Variants in FHIT observed in about 807,000 individuals in gnomAD.
FHIT encodes bis(5'-adenosyl)-triphosphatase.
In FHIT, 19 loss-of-function variants were observed where a neutral mutation model predicts 17.9. That is an observed-to-expected ratio of 1.06 (90% CI 0.74 to 1.56). The LOEUF is 1.56. FHIT is among the 40% of genes most tolerant of loss of function. The probability of loss-of-function intolerance (pLI) is 0.00; values close to 1 mark genes in which losing one functional copy is unlikely to be tolerated. For synonymous variants in FHIT, 81 were observed against 69.7 expected (o/e 1.16, Z -0.81); for missense variants, 248 against 189.2 (o/e 1.31, Z -1.82).
chr3:59,772,584 G>A (rs1016699673), intron 8 of FHIT, among the ~76,000 whole-genome samples: 2 of 152,338 alleles, frequency 1.3e-5, no homozygotes, highest in East Asian at 3.9e-4. Context: ...TGCAAATGCA[G>A]GCAGGCTGGT....
At chr3:60,667,833 C>A (rs1553692849) in intron 4 of FHIT, among the ~76,000 whole-genome samples, 2 of 152,046 alleles carry the variant, frequency 1.3e-5, no homozygotes, top group African/African-American at 4.8e-5. Flanking sequence ...TTTTCACAGA[C>A]TTTGAGGTGT....
intron 4 of FHIT, among the ~76,000 whole-genome samples, chr3:60,688,590 C>A (rs1309982510): frequency 2.0e-5 from 3 of 151,878 alleles, no homozygotes; most frequent in Non-Finnish European, 4.4e-5. Flanking sequence ...CACCACAAGG[C>A]CAGGCTAATT....
intron 8 of FHIT, among the ~76,000 whole-genome samples, chr3:59,761,070 G>A (rs1701490747): frequency 6.6e-6 from 1 of 152,120 alleles, no homozygotes; most frequent in African/African-American, 2.4e-5. Context: ...GATATTCTTA[G>A]GACACCCCAT....
intron 8 of FHIT, among the ~76,000 whole-genome samples, chr3:59,782,488 CA>C (rs1262187031): frequency 6.6e-6 from 1 of 152,316 alleles, no homozygotes; most frequent in African/African-American, 2.4e-5. Flanking sequence ...GATATCTGCA[CA>C]TGCCATTTCT....
chr3:60,152,890 G>A (rs1357533659), intron 5 of FHIT, among the ~76,000 whole-genome samples: 2 of 152,050 alleles, frequency 1.3e-5, no homozygotes, highest in Non-Finnish European at 2.9e-5. Context: ...AGTTGCTTAC[G>A]GTACAACCTC....
chr3:60,551,193 A>C (rs1353006594), intron 4 of FHIT, among the ~76,000 whole-genome samples: 1 of 151,834 alleles, frequency 6.6e-6, no homozygotes, highest in Non-Finnish European at 1.5e-5. Flanking sequence ...ATGGGTTTGA[A>C]AGATGAGCAG....
At chr3:59,933,307 G>T (rs536698216) in intron 7 of FHIT, among the ~76,000 whole-genome samples, 1 of 151,954 alleles carries the variant, frequency 6.6e-6, no homozygotes, top group Admixed American at 6.6e-5. Flanking sequence ...CTTTACTTAC[G>T]TATTTATAGT....
rs538666906 is a variant in FHIT at position 60,852,505 on chromosome 3, G to T, written c.-110-30494C>A. On this transcript the variant is annotated intron_variant, in intron 3 of 9. Coordinates refer to ENST00000492590, the MANE Select transcript of FHIT (RefSeq NM_002012.4). The stretch of plus-strand genomic sequence containing the variant: ...TAAACCCAAACCCAAATCCAAAGAT[G>T]AACAACTTTCTTCATCAGTCTGGCA... Among the ~76,000 whole-genome samples, 28 of 152,104 alleles carry T rather than the reference G, an allele frequency of 1.8e-4. No homozygotes were observed. In the South Asian group the frequency reaches 5.6e-3, roughly 30 times the overall value.
intron 4 of FHIT, among the ~76,000 whole-genome samples, chr3:60,571,157 A>G (rs2037365030): frequency 1.3e-5 from 2 of 151,528 alleles, no homozygotes; most frequent in Non-Finnish European, 2.9e-5. Context: ...GTGACATCCC[A>G]TCTCCCCGTC....
At chr3:61,057,971 A>C (rs1055598875) in intron 2 of FHIT, among the ~76,000 whole-genome samples, 4 of 152,192 alleles carry the variant, frequency 2.6e-5, no homozygotes, top group African/African-American at 9.7e-5. Context: ...GAGAGCTGGC[A>C]TCTGAAATCA....
At chr3:60,008,882 A>C (rs555298418) in intron 7 of FHIT, among the ~76,000 whole-genome samples, 30 of 152,268 alleles carry the variant, frequency 2.0e-4, no homozygotes, top group African/African-American at 6.7e-4. Flanking sequence ...GGCCATTGCC[A>C]CTCAATATTT....
At chr3:60,790,867 A>G (rs181244439) in intron 4 of FHIT, among the ~76,000 whole-genome samples, 61 of 152,322 alleles carry the variant, frequency 4.0e-4, no homozygotes, top group Non-Finnish European at 6.5e-4. Context: ...AATCCAATGC[A>G]AGATGTTAAC....
chr3:60,983,156 TG>T (rs1710566893), intron 3 of FHIT, among the ~76,000 whole-genome samples: 1 of 152,020 alleles, frequency 6.6e-6, no homozygotes, highest in African/African-American at 2.4e-5. Context: ...TGTGTGTGTG[TG>T]TGTGTGTAAT....
At chr3:60,021,277 AACAT>A (rs1700544308) in intron 5 of FHIT, among the ~76,000 whole-genome samples, 1 of 152,194 alleles carries the variant, frequency 6.6e-6, no homozygotes, top group Non-Finnish European at 1.5e-5. Context: ...TTGTCTAGGC[AACAT>A]GCCCTGAGCT....
chr3:60,919,399 G>GT (rs5849401), intron 3 of FHIT, among the ~76,000 whole-genome samples: 49,187 of 144,212 alleles, frequency 0.34, 8,926 homozygotes, highest in African/African-American at 0.5. Flanking sequence ...CACAACCACA[G>GT]TTTTTTTTTT....
At chr3:60,256,730 C>T (rs974717241) in intron 5 of FHIT, among the ~76,000 whole-genome samples, 11 of 152,194 alleles carry the variant, frequency 7.2e-5, no homozygotes, top group African/African-American at 2.4e-4. Flanking sequence ...CATCCCAGCA[C>T]CATCATAATT....
At chr3:60,043,679 G>T (rs1160769706) in intron 5 of FHIT, among the ~76,000 whole-genome samples, 1 of 152,146 alleles carries the variant, frequency 6.6e-6, no homozygotes, top group Non-Finnish European at 1.5e-5. Flanking sequence ...TAGACAGATA[G>T]ATAGATAGAT....
At chr3:61,250,653 C>G (rs1178098080) in intron 1 of FHIT, among the ~76,000 whole-genome samples, 1 of 151,814 alleles carries the variant, frequency 6.6e-6, no homozygotes, top group South Asian at 2.1e-4. Context: ...CCTTACCCCC[C>G]ACCACCACCA....
intron 5 of FHIT, among the ~76,000 whole-genome samples, chr3:60,326,618 C>T (rs542684740): frequency 6.6e-6 from 1 of 152,296 alleles, no homozygotes; most frequent in African/African-American, 2.4e-5. Flanking sequence ...GACCCCTGTC[C>T]TAAACCATGT....
Sources: gnomAD v4.1 joint callset for allele counts (sites outside exome capture counted in the v4.1 genomes callset) on GRCh38, gnomAD v4.1.1 for gene constraint, MANE v1.5 for transcripts, NCBI Gene and HGNC (gene_info 2026-07-23, HGNC 2026-07-21) for gene names.